The following ACSM1 variants were observed in gnomAD, a reference collection of about 807,000 sequenced individuals.
The protein encoded by ACSM1 is acyl-CoA synthetase medium chain family member 1, also known as acyl-coenzyme A synthetase ACSM1, mitochondrial.
ACSM1 carries 79 observed loss-of-function variants against 75.8 expected under a neutral mutation model. That is an observed-to-expected ratio of 1.04 (90% confidence interval 0.87 to 1.26). The LOEUF is 1.26. Ranked by LOEUF, ACSM1 falls within the 50% of genes most tolerant of loss-of-function variation. The pLI is 0.00. For missense variants in ACSM1, 676 were observed against 720.1 expected (o/e 0.94, Z 0.70); for synonymous variants, 279 against 265.8 (o/e 1.05, Z -0.48).
At chr16:20,663,433 G>C (rs927071901) in intron 6 of ACSM1, among the ~76,000 whole-genome samples, 1 of 151,992 alleles carries the variant, frequency 6.6e-6, no homozygotes, top group African/African-American at 2.4e-5. Flanking sequence ...ACCAGTGTTG[G>C]TCCCCTGGAC....
chr16:20,692,596 G>A (rs1203660292), intron 1 of ACSM1, among the ~76,000 whole-genome samples: 1 of 152,162 alleles, frequency 6.6e-6, no homozygotes, highest in East Asian at 1.9e-4. Context: ...TTAGTTGATT[G>A]TCTCCTGGAT....
At chr16:20,633,746 A>T (rs933264926) in intron 10 of ACSM1, among the ~76,000 whole-genome samples, 4 of 152,064 alleles carry the variant, frequency 2.6e-5, no homozygotes, top group Non-Finnish European at 1.5e-5. Flanking sequence ...AAGGTGAATA[A>T]AGGCCAGGCG....
intron 2 of ACSM1, 137 bp from the exon 3 acceptor site, chr16:20,685,540 A>G: frequency 1.2e-6 from 1 of 803,776 alleles, no homozygotes. Flanking sequence ...ACATTTATAC[A>G]GCCAGGCGCA....
At chr16:20,664,093 CA>C (rs1217684307) in intron 6 of ACSM1, among the ~76,000 whole-genome samples, 1 of 151,966 alleles carries the variant, frequency 6.6e-6, no homozygotes, top group Non-Finnish European at 1.5e-5. Context: ...ACTAAGTTGA[CA>C]GGGGTGGGTA....
At chr16:20,624,849 C>G (rs745838671) in intron 12 of ACSM1, among the ~76,000 whole-genome samples, 1 of 151,948 alleles carries the variant, frequency 6.6e-6, no homozygotes, top group Non-Finnish European at 1.5e-5. Flanking sequence ...CGCCCACCCC[C>G]CATTCCACCC....
chr16:20,651,453 T>A (rs1207513012), intron 7 of ACSM1, among the ~76,000 whole-genome samples: 1 of 151,580 alleles, frequency 6.6e-6, no homozygotes, highest in Non-Finnish European at 1.5e-5. Flanking sequence ...ACACAGTGAA[T>A]CCCCATCTCT....
chr16:20,638,607 T>C lies in ACSM1; in HGVS notation c.1117-1156A>G, dbSNP rs147442356. Among the ~76,000 whole-genome samples, 834 of 152,316 alleles carry C rather than the reference T, an allele frequency of 5.5e-3. 8 individuals are homozygous for C. The highest frequency in any genetic ancestry group is 0.019 in the African/African-American group (791 of 41,570). The stretch of plus-strand genomic sequence containing the variant: ...TATATACTTCTTTTTATTTACCTTA[T>C]CACAATCTGTTAAGATTGGCATTAT... On this transcript the variant is annotated intron_variant, in intron 8 of 13. Coordinates refer to ENST00000520010, the MANE Select transcript of ACSM1 (RefSeq NM_001318890.3).
chr16:20,624,007 G>A lies in ACSM1; in HGVS notation c.1647+89C>T, dbSNP rs1296502413. ...CAGTGTTGTAAACCTCCATTGTTTG[G>A]GGCTGTTTGTTACCTCCAGTGATAC... On this transcript the variant is annotated intron_variant, in intron 13 of 13. Coordinates refer to ENST00000520010, the MANE Select transcript of ACSM1 (RefSeq NM_001318890.3). 4.5e-6 allele frequency: 7 copies of A among 1,555,940 alleles called. No homozygotes were observed. In the Admixed American group the frequency reaches 6.9e-5, roughly 15 times the overall value.
chr16:20,636,476 T>C (rs992004656), intron 10 of ACSM1, among the ~76,000 whole-genome samples: 7 of 152,180 alleles, frequency 4.6e-5, no homozygotes, highest in African/African-American at 1.7e-4. Flanking sequence ...AGTCAAAGCC[T>C]ATATTCTTGA....
rs1026199465 is a variant in ACSM1 at position 20,648,040 on chromosome 16, C to T, written c.993-7456G>A. 2.0e-5 allele frequency among the ~76,000 whole-genome samples: 3 copies of T among 152,170 alleles called. No homozygotes were observed. The highest frequency in any genetic ancestry group is 2.9e-5 in the Non-Finnish European group (2 of 68,034). ...TCAGGAACTTTGCAGCCTCCACAGTCGCGATGGCCCCCTGCTCCCACTTTA... is the reference window on the plus strand; with the variant it reads ...TCAGGAACTTTGCAGCCTCCACAGTTGCGATGGCCCCCTGCTCCCACTTTA... On this transcript the variant is annotated intron_variant, in intron 7 of 13. Transcript: ENST00000520010. This position sits in a 1 kb window ranked among gnomAD's most constrained non-coding sequence, Gnocchi z 4.2.
intron 7 of ACSM1, among the ~76,000 whole-genome samples, chr16:20,652,600 T>G (rs188022264): frequency 1.3e-5 from 2 of 152,170 alleles, no homozygotes; most frequent in East Asian, 3.9e-4. Context: ...AAATACAAAC[T>G]ACCGTCAGAG....
Position 20,623,512 on chromosome 16 carries a change from G to A in ACSM1, c.1708C>T (p.Arg570Trp), listed in dbSNP as rs552842757. ...ITGKIERKEL[R>W]KKETGQM Reference sequence around the variant, plus strand: ...TACATCTGACCAGTCTCCTTTTTCCGAAGTTCCTTCCGTTCAATCTTGCCA... The same window carrying A: ...TACATCTGACCAGTCTCCTTTTTCCAAAGTTCCTTCCGTTCAATCTTGCCA... The change falls in exon 14 of 14, where the codon CGG (arginine) becomes TGG (tryptophan). Residue 570 changes from arginine (R) to tryptophan (W), a missense_variant. Arg to Trp is a moderately radical substitution (Grantham distance 101, BLOSUM62 -3). Coordinates refer to ENST00000520010, the MANE Select transcript of ACSM1 (RefSeq NM_001318890.3). 16 of 1,613,914 alleles carry A rather than the reference G, an allele frequency of 9.9e-6. No homozygotes were observed. The highest frequency in any genetic ancestry group is 7.7e-5 in the South Asian group (7 of 91,080).
At chr16:20,640,398 G>A (rs1469209716) in intron 8 of ACSM1, 63 bp downstream of exon 8, 1 of 1,595,386 alleles carries the variant, frequency 6.3e-7, no homozygotes, top group African/African-American at 1.3e-5. Flanking sequence ...ATTAACCTTA[G>A]CAAAATAATC....
chr16:20,654,884 A>C (rs929984003), intron 7 of ACSM1, among the ~76,000 whole-genome samples: 5 of 152,186 alleles, frequency 3.3e-5, no homozygotes, highest in South Asian at 4.1e-4. Flanking sequence ...TTGACCCAGC[A>C]ATCCCATTAC....
intron 4 of ACSM1, among the ~76,000 whole-genome samples, chr16:20,676,445 C>A (rs1360827928): frequency 6.6e-6 from 1 of 152,178 alleles, no homozygotes; most frequent in African/African-American, 2.4e-5. Flanking sequence ...CTCTGTTTAA[C>A]CCTAAGGCTG....
chr16:20,640,350 T>C, intron 8 of ACSM1, 111 bp downstream of exon 8: 3 of 1,272,476 alleles, frequency 2.4e-6, no homozygotes, highest in Non-Finnish European at 3.3e-6. Flanking sequence ...AAAATCATCT[T>C]TGGGGAAAGG....
At chr16:20,646,844 G>A (rs2018395602) in intron 7 of ACSM1, among the ~76,000 whole-genome samples, 1 of 152,154 alleles carries the variant, frequency 6.6e-6, no homozygotes, top group Non-Finnish European at 1.5e-5. Context: ...TCAAACATCA[G>A]GAAGCCATTA....
intron 6 of ACSM1, among the ~76,000 whole-genome samples, chr16:20,663,103 G>C (rs1204640732): frequency 6.6e-6 from 1 of 152,018 alleles, no homozygotes; most frequent in South Asian, 2.1e-4. Context: ...AGGGTGGAAG[G>C]CTGCCCTGCC....
intron 8 of ACSM1, 76 bp from the exon 9 acceptor site, chr16:20,637,527 G>T: frequency 1.6e-6 from 2 of 1,217,450 alleles, no homozygotes; most frequent in South Asian, 2.4e-5. Flanking sequence ...ATCATACACA[G>T]CATCCTCTGC....
Sources: allele counts gnomAD v4.1 joint callset (sites outside exome capture counted in the v4.1 genomes callset), GRCh38; gene constraint gnomAD v4.1.1; non-coding constraint Gnocchi (gnomAD v3.1); transcripts MANE v1.5; gene names NCBI Gene and HGNC (gene_info 2026-07-23, HGNC 2026-07-21).